Variants in PALM2AKAP2 observed in about 807,000 individuals in gnomAD.
PALM2AKAP2 encodes PALM2 and AKAP2 fusion.
PALM2AKAP2 carries 37 observed loss-of-function variants against 71.5 expected under a neutral mutation model. The ratio of observed to expected loss-of-function variants is 0.52; its 90% CI spans 0.40 to 0.68. PALM2AKAP2 has a LOEUF of 0.68. Ranked by LOEUF, PALM2AKAP2 falls within the 30% of genes least tolerant of loss-of-function variation. The pLI, the probability that PALM2AKAP2 is intolerant of heterozygous loss-of-function variation, is 0.00. For missense variants in PALM2AKAP2, 1,224 were observed against 1,191.8 expected (o/e 1.03, Z -0.40); for synonymous variants, 468 against 478.8 (o/e 0.98, Z 0.29).
chr9:110,152,680 T>C (rs945287751), intron 2 of PALM2AKAP2, among the ~76,000 whole-genome samples: 1 of 152,232 alleles, frequency 6.6e-6, no homozygotes, highest in African/African-American at 2.4e-5. Context: ...TCCGGAGTGC[T>C]GTCACCGTCC....
chr9:109,973,068 G>A (rs1345311407), intron 6 of PALM2AKAP2, among the ~76,000 whole-genome samples: 1 of 152,018 alleles, frequency 6.6e-6, no homozygotes, highest in Non-Finnish European at 1.5e-5. Flanking sequence ...TAGGACACAG[G>A]CACTGCTATA....
chr9:110,108,934 T>C (rs1835176649), intron 1 of PALM2AKAP2, among the ~76,000 whole-genome samples: 2 of 152,134 alleles, frequency 1.3e-5, no homozygotes, highest in South Asian at 4.1e-4. Context: ...TTATTCTCCA[T>C]GGGGCTCAAA....
chr9:109,903,823 C>T (rs1830382898), intron 3 of PALM2AKAP2, among the ~76,000 whole-genome samples: 1 of 151,006 alleles, frequency 6.6e-6, no homozygotes, highest in Admixed American at 6.6e-5. Context: ...TGTAGACACA[C>T]ATGTGCATAC....
intron 1 of PALM2AKAP2, among the ~76,000 whole-genome samples, chr9:110,097,049 A>G (rs1834864507): frequency 1.3e-5 from 2 of 148,384 alleles, no homozygotes; most frequent in South Asian, 4.3e-4. Flanking sequence ...AGGTCAGCAG[A>G]TAAACAAGTG....
chr9:110,006,324 C>CCTTTCTT (rs1554736917), intron 6 of PALM2AKAP2, among the ~76,000 whole-genome samples: 1 of 102,102 alleles, frequency 9.8e-6, no homozygotes, highest in African/African-American at 3.9e-5. Flanking sequence ...TTCCTTCCTT[C>CCTTTCTT]TCTTTCTTTC....
At chr9:109,874,859 A>AT (rs1237030428) in intron 2 of PALM2AKAP2, among the ~76,000 whole-genome samples, 1 of 152,186 alleles carries the variant, frequency 6.6e-6, no homozygotes, top group Non-Finnish European at 1.5e-5. Flanking sequence ...GTTACAAGTC[A>AT]CACTGATTCT....
intron 7 of PALM2AKAP2, among the ~76,000 whole-genome samples, chr9:110,021,433 G>A (rs1833072525): frequency 6.6e-6 from 1 of 152,216 alleles, no homozygotes; most frequent in Admixed American, 6.5e-5. Flanking sequence ...CACCAAGTGT[G>A]TGGTAGTTTG....
chr9:110,150,125 A>G (rs369031759), intron 2 of PALM2AKAP2, among the ~76,000 whole-genome samples: 58 of 152,360 alleles, frequency 3.8e-4, no homozygotes, highest in African/African-American at 1.3e-3. Flanking sequence ...AAGAGATATC[A>G]GACAGCTTCT....
chr9:110,061,365 T>C (rs538419455), intron 1 of PALM2AKAP2, among the ~76,000 whole-genome samples: 34 of 152,280 alleles, frequency 2.2e-4, no homozygotes, highest in African/African-American at 8.2e-4. Context: ...CCCATTTTCA[T>C]GCATGCATTG....
At position 110,169,752 on chromosome 9, in the gene PALM2AKAP2, A is replaced by T. The variant is rs943045723; in HGVS notation, c.*1255A>T. The T allele has an allele frequency of 3.3e-5, 5 of 149,598 alleles. No homozygotes were observed. In the East Asian group the frequency reaches 9.8e-4, roughly 29 times the overall value. 9.3% of individuals were successfully genotyped at this position (149,598 alleles called of 1,614,324 possible). On this transcript the variant is annotated 3_prime_UTR_variant, in exon 4 of 4. Coordinates refer to ENST00000374525, the Ensembl canonical transcript of PALM2AKAP2. ...AATCCTAAAGATGGGGTGTGTGTGGATGTGTGTGTGTGTGTGTGTACACCA... is the reference window on the plus strand; with the variant it reads ...AATCCTAAAGATGGGGTGTGTGTGGTTGTGTGTGTGTGTGTGTGTACACCA...
At chr9:109,943,605 T>C (rs1484312175) in intron 6 of PALM2AKAP2, 3 of 784,236 alleles carry the variant, frequency 3.8e-6, no homozygotes, top group Non-Finnish European at 6.1e-6. Context: ...ACAACGTGCA[T>C]GTGTGTGCTT....
At chr9:110,028,041 CTA>C (rs1472466724) in intron 7 of PALM2AKAP2, among the ~76,000 whole-genome samples, 2 of 152,118 alleles carry the variant, frequency 1.3e-5, no homozygotes, top group Admixed American at 6.6e-5. Context: ...ATCCTTGAAA[CTA>C]TTCAGGGTAG....
intron 6 of PALM2AKAP2, among the ~76,000 whole-genome samples, chr9:110,011,260 C>T (rs1484192903): frequency 6.7e-6 from 1 of 148,688 alleles, no homozygotes; most frequent in East Asian, 1.9e-4. Context: ...CTTTTTTCCC[C>T]AAGTTCTTAG....
chr9:109,702,079 A>G (rs577593027), intron 1 of PALM2AKAP2, among the ~76,000 whole-genome samples: 2 of 152,360 alleles, frequency 1.3e-5, no homozygotes, highest in Admixed American at 1.3e-4. Context: ...ATCATTAAAA[A>G]GTCAGGAAAC....
chr9:110,127,328 C>T (rs1479508793), intron 1 of PALM2AKAP2, among the ~76,000 whole-genome samples: 1 of 152,150 alleles, frequency 6.6e-6, no homozygotes, highest in Non-Finnish European at 1.5e-5. Flanking sequence ...ATTTAGCCTG[C>T]GTTTGCCCCA....
At chr9:110,143,245 C>A (rs1473760047) in intron 2 of PALM2AKAP2, among the ~76,000 whole-genome samples, 1 of 145,818 alleles carries the variant, frequency 6.9e-6, no homozygotes, top group African/African-American at 2.6e-5. Flanking sequence ...AAGTCCCCAT[C>A]TCTTAAAAAA....
At chr9:109,802,809 A>G (rs1025880831) in intron 1 of PALM2AKAP2, among the ~76,000 whole-genome samples, 1 of 152,246 alleles carries the variant, frequency 6.6e-6, no homozygotes, top group Non-Finnish European at 1.5e-5. Context: ...GGCTGCCTCC[A>G]TCCTATGGGA....
chr9:109,896,379 TA>T (rs201913400), intron 3 of PALM2AKAP2, among the ~76,000 whole-genome samples: 4,155 of 152,196 alleles, frequency 0.027, 86 homozygotes, highest in Non-Finnish European at 0.042. Flanking sequence ...TATCAAATAT[TA>T]ATAGAGTCTG....
chr9:109,661,356 G>A (rs1363668973), intron 1 of PALM2AKAP2, among the ~76,000 whole-genome samples: 1 of 152,116 alleles, frequency 6.6e-6, no homozygotes, highest in Non-Finnish European at 1.5e-5. Context: ...TGTAAGGAAG[G>A]GATCCAGTTT....
Sources: gnomAD v4.1 joint callset for allele counts (sites outside exome capture counted in the v4.1 genomes callset) on GRCh38, gnomAD v4.1.1 for gene constraint, MANE v1.5 for transcripts, NCBI Gene and HGNC (gene_info 2026-07-23, HGNC 2026-07-21) for gene names.